The following AFG1L variants were observed in gnomAD, a reference collection of about 807,000 sequenced individuals.
AFG1L encodes the protein AFG1-like ATPase.
A neutral mutation model predicts 62.2 loss-of-function variants in AFG1L; 53 were observed. The observed-to-expected ratio is 0.85, with a 90% CI of 0.68 to 1.07. The LOEUF is 1.07. Ranked by LOEUF, AFG1L falls within the 50% of genes least tolerant of loss-of-function variation. The pLI, the probability that AFG1L is intolerant of heterozygous loss-of-function variation, is 0.00. For missense variants in AFG1L, 555 were observed against 590.5 expected (o/e 0.94, Z 0.62); for synonymous variants, 228 against 210.3 (o/e 1.08, Z -0.73).
At position 108,525,313 on chromosome 6, in the gene AFG1L, C is replaced by A. The variant is rs1775284787; in HGVS notation, c.*2888C>A. The A allele has an allele frequency of 6.6e-6, 1 of 152,140 alleles. No individual in the cohort carries two copies. 9.4% of individuals were successfully genotyped at this position (152,140 alleles called of 1,614,324 possible). ...GAGCTTATTTGCTGATATCACTAAT[C>A]CTGAGATGAAAAACAGGATGGACTT... On this transcript the variant is annotated 3_prime_UTR_variant, in exon 13 of 13. Coordinates refer to ENST00000368977, the MANE Select transcript of AFG1L (RefSeq NM_145315.5).
chr6:108,441,712 A>AATATAT (rs1554198358), intron 7 of AFG1L, among the ~76,000 whole-genome samples: 76 of 139,480 alleles, frequency 5.4e-4, no homozygotes, highest in African/African-American at 1.9e-3. Flanking sequence ...AAAAAAAAAA[A>AATATAT]ATATATATAT....
At chr6:108,352,410 T>G (rs1347652296) in intron 3 of AFG1L, among the ~76,000 whole-genome samples, 3 of 152,220 alleles carry the variant, frequency 2.0e-5, no homozygotes, top group Non-Finnish European at 2.9e-5. Flanking sequence ...AATTTGAGGA[T>G]GCTCAAGTCC....
intron 7 of AFG1L, among the ~76,000 whole-genome samples, chr6:108,422,477 CAAAAAAAA>C (rs539232525): frequency 1.3e-4 from 6 of 45,810 alleles, no homozygotes; most frequent in African/African-American, 6.2e-4. Context: ...TAGTCCTCAG[CAAAAAAAA>C]AAAAAAAAAA....
intron 10 of AFG1L, among the ~76,000 whole-genome samples, chr6:108,478,680 A>G (rs1318321199): frequency 1.3e-5 from 2 of 152,198 alleles, no homozygotes; most frequent in African/African-American, 2.4e-5. Context: ...AGAATCTTGT[A>G]TATCCAAAAG....
intron 2 of AFG1L, among the ~76,000 whole-genome samples, chr6:108,331,922 T>G (rs1319080669): frequency 6.6e-6 from 1 of 152,160 alleles, no homozygotes; most frequent in African/African-American, 2.4e-5. Context: ...CTTTCCTTTT[T>G]CTCCTGCCCT....
chr6:108,512,943 C>T (rs1582688080), intron 11 of AFG1L, among the ~76,000 whole-genome samples: 1 of 152,130 alleles, frequency 6.6e-6, no homozygotes, highest in South Asian at 2.1e-4. Flanking sequence ...GAAAAATTGT[C>T]TTTGATTAAA....
At chr6:108,303,292 C>T (rs1777080005) in intron 1 of AFG1L, among the ~76,000 whole-genome samples, 1 of 152,148 alleles carries the variant, frequency 6.6e-6, no homozygotes, top group Admixed American at 6.5e-5. Flanking sequence ...AGCTATCCTC[C>T]TGCCTTGGCC....
chr6:108,327,497 CTA>C (rs1364405737), intron 2 of AFG1L, among the ~76,000 whole-genome samples: 1 of 152,190 alleles, frequency 6.6e-6, no homozygotes, highest in Admixed American at 6.5e-5. Context: ...GCCTGCTTAA[CTA>C]TTCTTGGACA....
intron 3 of AFG1L, among the ~76,000 whole-genome samples, chr6:108,352,785 C>T (rs957842122): frequency 3.3e-5 from 5 of 151,820 alleles, no homozygotes; most frequent in Admixed American, 2.6e-4. Flanking sequence ...GGGCTGGTCT[C>T]GAACACCTGG....
intron 10 of AFG1L, among the ~76,000 whole-genome samples, chr6:108,489,903 CAT>C (rs1453972038): frequency 6.6e-6 from 1 of 152,026 alleles, no homozygotes; most frequent in African/African-American, 2.4e-5. Flanking sequence ...TCTGAACTGA[CAT>C]AGAAAAAGGA....
chr6:108,381,115 A>G (rs1780495250), intron 6 of AFG1L, among the ~76,000 whole-genome samples: 1 of 152,220 alleles, frequency 6.6e-6, no homozygotes, highest in Non-Finnish European at 1.5e-5. Flanking sequence ...AAAAACACTC[A>G]TTTTATATTT....
chr6:108,384,527 A>G (rs1480945326), intron 6 of AFG1L, among the ~76,000 whole-genome samples: 1 of 152,232 alleles, frequency 6.6e-6, no homozygotes, highest in East Asian at 1.9e-4. Context: ...AATGAAATTC[A>G]CAGTATAACA....
chr6:108,306,916 C>T (rs1777218697), intron 1 of AFG1L, among the ~76,000 whole-genome samples: 1 of 152,192 alleles, frequency 6.6e-6, no homozygotes, highest in Admixed American at 6.5e-5. Flanking sequence ...ACATTCATAT[C>T]TCACTTGCGA....
intron 6 of AFG1L, among the ~76,000 whole-genome samples, chr6:108,392,523 G>A (rs1023486063): frequency 2.0e-5 from 3 of 152,042 alleles, no homozygotes; most frequent in Admixed American, 6.5e-5. Flanking sequence ...TTCAGCACTC[G>A]TTTCAGTGAA....
intron 8 of AFG1L, among the ~76,000 whole-genome samples, chr6:108,468,084 G>T (rs577673235): frequency 6.6e-6 from 1 of 152,276 alleles, no homozygotes; most frequent in South Asian, 2.1e-4. Context: ...GTTCACTTCT[G>T]TCCACTGTCC....
rs140126813 is a variant in AFG1L, at chr6:108,468,377, C to T, written c.891-8488C>T. Among the ~76,000 whole-genome samples, 991 of 152,280 alleles carry T rather than the reference C, an allele frequency of 6.5e-3. 5 individuals are homozygous for T. Among genetic ancestry groups the T allele is most frequent in the African/African-American group, 0.02 (813 of 41,562 alleles). ...ATATTCTCTTAGAATATTTTAGACA[C>T]TATACCATTATCTTCAAGCTTCCAT... On this transcript the variant is annotated intron_variant, in intron 8 of 12. Transcript: ENST00000368977.
At chr6:108,391,718 G>A (rs1477621302) in intron 6 of AFG1L, among the ~76,000 whole-genome samples, 1 of 152,124 alleles carries the variant, frequency 6.6e-6, no homozygotes, top group African/African-American at 2.4e-5. Flanking sequence ...CCAATGTCTA[G>A]AAGGGTTTTT....
At chr6:108,311,117 G>A (rs80113095) in intron 1 of AFG1L, among the ~76,000 whole-genome samples, 4,233 of 152,166 alleles carry the variant, frequency 0.028, 183 homozygotes, top group African/African-American at 0.097. Context: ...GCTTATCATT[G>A]CAATGCTCTG....
chr6:108,477,097 C>T, intron 9 of AFG1L, 95 bp from the exon 10 acceptor site: 1 of 988,646 alleles, frequency 1.0e-6, no homozygotes, highest in South Asian at 1.5e-5. Context: ...GAATCATGTG[C>T]TATTATTCAT....
Sources: gnomAD v4.1 joint callset for allele counts (sites outside exome capture counted in the v4.1 genomes callset) on GRCh38, gnomAD v4.1.1 for gene constraint, MANE v1.5 for transcripts, NCBI Gene and HGNC (gene_info 2026-07-23, HGNC 2026-07-21) for gene names.